Variants in AP3B1 observed in about 807,000 individuals in gnomAD.
The protein encoded by AP3B1 is adaptor related protein complex 3 subunit beta 1, also known as AP-3 complex subunit beta-1.
AP3B1 carries 61 observed loss-of-function variants against 132.5 expected under a neutral mutation model. The ratio of observed to expected loss-of-function variants is 0.46; its 90% confidence interval spans 0.37 to 0.57. AP3B1 has a LOEUF of 0.57. AP3B1 is among the 20% of genes least tolerant of loss of function. The pLI is 0.00. For missense variants in AP3B1, 1,120 were observed against 1,289.4 expected (o/e 0.87, Z 2.01); for synonymous variants, 388 against 438.3 (o/e 0.89, Z 1.43).
chr5:78,288,777 C>G (rs933821774), intron 1 of AP3B1, among the ~76,000 whole-genome samples: 1 of 151,976 alleles, frequency 6.6e-6, no homozygotes, highest in African/African-American at 2.4e-5. Flanking sequence ...TTAATATGAG[C>G]AGAATGTGTG....
intron 1 of AP3B1, among the ~76,000 whole-genome samples, chr5:78,291,331 A>G (rs1390534728): frequency 6.8e-6 from 1 of 147,030 alleles, no homozygotes; most frequent in Non-Finnish European, 1.5e-5. Context: ...GGTTCAGGAG[A>G]TTGATCAATG....
intron 15 of AP3B1, among the ~76,000 whole-genome samples, chr5:78,137,381 A>G (rs1286669777): frequency 6.6e-6 from 1 of 152,148 alleles, no homozygotes; most frequent in East Asian, 1.9e-4. Context: ...TTACTCCCAG[A>G]TTTTGAGATT....
At chr5:78,231,908 AG>A (rs1746664672) in intron 3 of AP3B1, among the ~76,000 whole-genome samples, 1 of 152,238 alleles carries the variant, frequency 6.6e-6, no homozygotes, top group South Asian at 2.1e-4. Flanking sequence ...ACTTGACTAA[AG>A]TACCGTATCT....
At chr5:78,261,667 T>G (rs527332993) in intron 2 of AP3B1, among the ~76,000 whole-genome samples, 9 of 151,884 alleles carry the variant, frequency 5.9e-5, no homozygotes, top group African/African-American at 2.2e-4. Context: ...GGTTTCACTG[T>G]GTTGACCAGG....
At chr5:78,195,526 C>T (rs193274049) in intron 7 of AP3B1, among the ~76,000 whole-genome samples, 3 of 152,146 alleles carry the variant, frequency 2.0e-5, no homozygotes, top group African/African-American at 4.8e-5. Flanking sequence ...CTGGAACAAA[C>T]GAAGAGTCAC....
intron 11 of AP3B1, among the ~76,000 whole-genome samples, chr5:78,171,121 G>C (rs1375318457): frequency 6.6e-6 from 1 of 152,180 alleles, no homozygotes. Context: ...GTACCATGCT[G>C]TTTTGGTTAC....
At chr5:78,276,119 G>A (rs902097541) in intron 1 of AP3B1, among the ~76,000 whole-genome samples, 3 of 151,802 alleles carry the variant, frequency 2.0e-5, no homozygotes, top group African/African-American at 7.3e-5. Flanking sequence ...AGGCTGGAGT[G>A]CAGTAGTATG....
chr5:78,129,429 A>G, intron 15 of AP3B1, 122 bp from the exon 16 acceptor site: 1 of 865,716 alleles, frequency 1.2e-6, no homozygotes, highest in Non-Finnish European at 1.9e-6. Context: ...GTTGTTCCAT[A>G]GGGAATACAC....
chr5:78,175,300 T>A (rs1323510399), intron 11 of AP3B1, among the ~76,000 whole-genome samples: 4 of 152,194 alleles, frequency 2.6e-5, no homozygotes, highest in Non-Finnish European at 4.4e-5. Flanking sequence ...ATCTTCTGTG[T>A]CAATCATGGT....
At chr5:78,004,411 C>T (rs916677873) in intron 26 of AP3B1, among the ~76,000 whole-genome samples, 1 of 152,088 alleles carries the variant, frequency 6.6e-6, no homozygotes, top group Non-Finnish European at 1.5e-5. Context: ...ACTTCACTCC[C>T]GACTTAATTA....
intron 7 of AP3B1, among the ~76,000 whole-genome samples, chr5:78,210,774 C>T (rs1745700187): frequency 6.6e-6 from 1 of 152,088 alleles, no homozygotes; most frequent in Non-Finnish European, 1.5e-5. Context: ...ATTGATGCCA[C>T]TAACAGATGT....
intron 7 of AP3B1, among the ~76,000 whole-genome samples, chr5:78,183,464 T>A (rs974370495): frequency 5.3e-5 from 8 of 152,092 alleles, no homozygotes; most frequent in African/African-American, 1.9e-4. Flanking sequence ...ACCAAGATAA[T>A]AGAGATATTG....
chr5:78,167,410 C>A (rs1743682093), intron 11 of AP3B1, among the ~76,000 whole-genome samples: 1 of 152,074 alleles, frequency 6.6e-6, no homozygotes, highest in Non-Finnish European at 1.5e-5. Flanking sequence ...CTAGTACAAC[C>A]ACTAAAGAAA....
intron 2 of AP3B1, among the ~76,000 whole-genome samples, chr5:78,264,849 T>C (rs151180553): frequency 1.8e-4 from 28 of 152,372 alleles, no homozygotes; most frequent in Non-Finnish European, 3.8e-4. Flanking sequence ...CATAGATCAA[T>C]TGTAATTTTT....
At chr5:78,274,153 A>G (rs1748675436) in intron 1 of AP3B1, among the ~76,000 whole-genome samples, 1 of 152,052 alleles carries the variant, frequency 6.6e-6, no homozygotes, top group South Asian at 2.1e-4. Flanking sequence ...AGAGATGGAC[A>G]AAACAGATGA....
intron 7 of AP3B1, among the ~76,000 whole-genome samples, chr5:78,188,945 G>T (rs994460947): frequency 6.6e-6 from 1 of 152,134 alleles, no homozygotes; most frequent in Admixed American, 6.5e-5. Flanking sequence ...GATGAAGCTG[G>T]AAGCCATCAT....
At chr5:78,058,461 T>C (rs1019100865) in intron 22 of AP3B1, among the ~76,000 whole-genome samples, 1 of 151,926 alleles carries the variant, frequency 6.6e-6, no homozygotes, top group Non-Finnish European at 1.5e-5. Context: ...GACCGCGCCA[T>C]TGCACTGCAG....
intron 25 of AP3B1, 60 bp downstream of exon 25, chr5:78,020,632 C>A: frequency 7.7e-7 from 1 of 1,306,924 alleles, no homozygotes; most frequent in Non-Finnish European, 1.1e-6. Context: ...AGAGACTGTA[C>A]AGGAATAAGC....
rs1747394373 is a variant in AP3B1, at chr5:78,027,725, G to A, written c.2894+6636C>T. Among the ~76,000 whole-genome samples the A allele has an allele frequency of 2.0e-5, 3 of 151,764 alleles. No individual in the cohort carries two copies. In the South Asian group the frequency reaches 6.3e-4, roughly 32 times the overall value. On this transcript the variant is annotated intron_variant, in intron 24 of 26. Coordinates refer to ENST00000255194, the MANE Select transcript of AP3B1 (RefSeq NM_003664.5). ...TTATATCTTCCTTTATGCCCTTTAG[G>A]AAAGTTCCAGGTTTTTTTCTCTCTA...
Sources: allele counts gnomAD v4.1 joint callset (sites outside exome capture counted in the v4.1 genomes callset), GRCh38; gene constraint gnomAD v4.1.1; transcripts MANE v1.5; gene names NCBI Gene and HGNC (gene_info 2026-07-23, HGNC 2026-07-21).